Variants in SIRT5 observed in about 807,000 individuals in gnomAD.
SIRT5 encodes the protein sirtuin 5.
Under a neutral mutation model 40.0 loss-of-function variants are expected in SIRT5, and 26 were observed. The ratio of observed to expected loss-of-function variants is 0.65; its 90% CI spans 0.48 to 0.90. SIRT5 has a LOEUF of 0.90. Ranked by LOEUF, SIRT5 falls within the 40% of genes least tolerant of loss-of-function variation. The probability of loss-of-function intolerance (pLI) is 0.00; values close to 1 mark genes in which losing one functional copy is unlikely to be tolerated. For missense variants in SIRT5, 401 were observed against 402.4 expected, an observed-to-expected ratio of 1.00 and a Z score of 0.03; for synonymous variants, 146 against 149.1, an observed-to-expected ratio of 0.98 and a Z score of 0.15.
At chr6:13,601,598 T>C (rs1224898827) in intron 9 of SIRT5, among the ~76,000 whole-genome samples, 5 of 152,150 alleles carry the variant, frequency 3.3e-5, no homozygotes, top group African/African-American at 7.2e-5. Flanking sequence ...AAATAAGTAG[T>C]AAATTAATAT....
chr6:13,602,500 C>CAA (rs769882667), intron 9 of SIRT5, among the ~76,000 whole-genome samples: 20 of 91,652 alleles, frequency 2.2e-4, no homozygotes, highest in Non-Finnish European at 3.0e-4. Context: ...AACTCCGTCT[C>CAA]AAAAAAAAAA....
At chr6:13,596,911 ATTTT>A in intron 6 of SIRT5, 48 bp from the exon 7 acceptor site, 1 of 1,434,100 alleles carries the variant, frequency 7.0e-7, no homozygotes, top group Non-Finnish European at 9.6e-7. Flanking sequence ...TTGTTTCTTT[ATTTT>A]TTATTATGCC....
chr6:13,580,649 C>T (rs1278242317), intron 2 of SIRT5, among the ~76,000 whole-genome samples: 1 of 152,108 alleles, frequency 6.6e-6, no homozygotes, highest in African/African-American at 2.4e-5. Flanking sequence ...TTCTCTCTTT[C>T]TCCCTCACTC....
At chr6:13,604,677 G>A in intron 9 of SIRT5, 1 of 1,396,238 alleles carries the variant, frequency 7.2e-7, no homozygotes, top group Non-Finnish European at 9.2e-7. Flanking sequence ...TGGTGGCTGT[G>A]TCTTCATGTG....
intron 2 of SIRT5, among the ~76,000 whole-genome samples, chr6:13,580,379 G>A (rs1193910029): frequency 6.6e-6 from 1 of 152,010 alleles, no homozygotes; most frequent in Admixed American, 6.6e-5. Flanking sequence ...TTCTATGAGT[G>A]TTGAAAAAAA....
intron 3 of SIRT5, chr6:13,584,897 T>C (rs1022036972): frequency 2.0e-4 from 30 of 152,396 alleles, no homozygotes; most frequent in African/African-American, 7.0e-4. Flanking sequence ...GGCAAAAACC[T>C]ACAAATTAAC....
In SIRT5 at chr6:13,599,159, G is replaced by C; in HGVS notation, c.741+4G>C. 2 of 1,613,012 alleles carry C rather than the reference G, an allele frequency of 1.2e-6. No homozygotes were observed. The highest frequency in any genetic ancestry group is 1.7e-6 in the Non-Finnish European group (2 of 1,179,498). ...CCACTGTGATTTATGTCTAGTGGTG[G>C]GTCATGCCCTTCCCTAACCCCAGGA... is the stretch of plus-strand genomic sequence containing the variant. On this transcript the variant is annotated splice_donor_region_variant and intron_variant, in intron 8 of 9. Transcript: ENST00000606117.
chr6:13,578,638 G>C (rs1052155521), intron 1 of SIRT5, among the ~76,000 whole-genome samples: 3 of 136,260 alleles, frequency 2.2e-5, no homozygotes, highest in African/African-American at 5.5e-5. Flanking sequence ...AAAAAAAAAA[G>C]AAAATAATTG....
At chr6:13,604,159 A>C (rs1762785358) in intron 9 of SIRT5, among the ~76,000 whole-genome samples, 2 of 152,250 alleles carry the variant, frequency 1.3e-5, no homozygotes. Context: ...AAGCCACTGA[A>C]TTATATATTT....
At chr6:13,589,995 G>A (rs1275009941) in intron 4 of SIRT5, among the ~76,000 whole-genome samples, 1 of 152,128 alleles carries the variant, frequency 6.6e-6, no homozygotes, top group Admixed American at 6.6e-5. Context: ...GGTCGGTGTG[G>A]GTCAACCTCT....
chr6:13,597,424 T>A (rs1289692960), intron 7 of SIRT5, among the ~76,000 whole-genome samples: 1 of 145,134 alleles, frequency 6.9e-6, no homozygotes, highest in Non-Finnish European at 1.5e-5. Flanking sequence ...AAACAGAATG[T>A]TCATAGATTA....
intron 3 of SIRT5, among the ~76,000 whole-genome samples, chr6:13,584,778 G>A (rs1330039855): frequency 3.3e-5 from 5 of 152,088 alleles, no homozygotes; most frequent in Admixed American, 6.6e-5. Flanking sequence ...CACATGTTTT[G>A]TACTATAAAA....
rs75503906 is a variant in SIRT5 at position 13,595,614 on chromosome 6, T to C, written c.563+50T>C. ...AGTATAGGTTGTTTTCTCCTTTAGG[T>C]TGAACATAAATGTGAGGAAATTGAA... is the stretch of plus-strand genomic sequence containing the variant. On this transcript the variant is annotated intron_variant, in intron 6 of 9. Coordinates refer to ENST00000606117, the MANE Select transcript of SIRT5 (RefSeq NM_012241.5). The C allele has an allele frequency of 1.1e-5, 15 of 1,332,732 alleles. No homozygotes were observed. The South Asian group carries it at 1.5e-4, about 14-fold the overall frequency. 82.6% of individuals were successfully genotyped at this position (1,332,732 alleles called of 1,614,324 possible). A position where few individuals can be genotyped will look rare whatever the true frequency, so the allele number is the denominator to read the frequency against.
At chr6:13,593,367 A>T (rs1213750596) in intron 5 of SIRT5, among the ~76,000 whole-genome samples, 1 of 152,194 alleles carries the variant, frequency 6.6e-6, no homozygotes, top group South Asian at 2.1e-4. Context: ...TCTTTTGTTC[A>T]TCAGGAACAG....
intron 5 of SIRT5, among the ~76,000 whole-genome samples, chr6:13,594,390 T>G (rs978598322): frequency 2.0e-5 from 3 of 152,216 alleles, no homozygotes; most frequent in African/African-American, 7.2e-5. Flanking sequence ...GCAGCTTATG[T>G]CATCTTTCCT....
At chr6:13,578,226 A>G (rs763967746) in intron 1 of SIRT5, among the ~76,000 whole-genome samples, 1 of 152,136 alleles carries the variant, frequency 6.6e-6, no homozygotes, top group Non-Finnish European at 1.5e-5. Flanking sequence ...GAATTTTTGC[A>G]TCTATGTTCA....
At chr6:13,593,683 G>C (rs982432668) in intron 5 of SIRT5, among the ~76,000 whole-genome samples, 1 of 152,050 alleles carries the variant, frequency 6.6e-6, no homozygotes, top group Non-Finnish European at 1.5e-5. Context: ...TGTTTTTAAT[G>C]TGGCATTTAG....
intron 5 of SIRT5, among the ~76,000 whole-genome samples, chr6:13,593,961 C>G (rs1487291452): frequency 1.3e-5 from 2 of 152,128 alleles, no homozygotes; most frequent in Non-Finnish European, 2.9e-5. Flanking sequence ...TGCAGCGTTT[C>G]CTGAGAGAAT....
rs2127749204 is a variant in SIRT5 at position 13,612,528 on chromosome 6, CG to C, written c.*667del. On this transcript the variant is annotated 3_prime_UTR_variant, in exon 10 of 10. Transcript: ENST00000606117. ...GCTAATTTTGTATTTTTAGTAGAGA[CG>C]GGGTTTCTCCATGTTGGTCAGGCTG... 6.6e-6 allele frequency: 1 copy of C among 151,816 alleles called. No homozygotes were observed. The highest frequency in any genetic ancestry group is 6.6e-5 in the Admixed American group (1 of 15,260). The allele number at this position is 151,816 out of a possible 1,614,324, so 9.4% of individuals were successfully genotyped here. A position where few individuals can be genotyped will look rare whatever the true frequency, so the allele number is the denominator to read the frequency against.
Sources: gnomAD v4.1 joint callset for allele counts (sites outside exome capture counted in the v4.1 genomes callset) on GRCh38, gnomAD v4.1.1 for gene constraint, MANE v1.5 for transcripts, NCBI Gene and HGNC (gene_info 2026-07-23, HGNC 2026-07-21) for gene names.